L3MBTL3: variants seen among roughly 807,000 people sequenced by gnomAD.
L3MBTL3 encodes lethal(3)malignant brain tumor-like protein 3.
A neutral mutation model predicts 102.3 loss-of-function variants in L3MBTL3; 27 were observed. The ratio of observed to expected loss-of-function variants is 0.26; its 90% CI spans 0.19 to 0.36. The LOEUF (loss-of-function observed/expected upper bound fraction) is 0.36. L3MBTL3 is among the 10% of genes least tolerant of loss of function. The pLI, the probability that L3MBTL3 is intolerant of heterozygous loss-of-function variation, is 1.00. For missense variants in L3MBTL3, 798 were observed against 955.3 expected, an observed-to-expected ratio of 0.84 and a Z score of 2.17; for synonymous variants, 340 against 320.9, an observed-to-expected ratio of 1.06 and a Z score of -0.64.
At chr6:130,076,993 A>G (rs1562290719) in intron 13 of L3MBTL3, among the ~76,000 whole-genome samples, 2 of 152,180 alleles carry the variant, frequency 1.3e-5, no homozygotes, top group Non-Finnish European at 2.9e-5. Context: ...TGCAATTTGT[A>G]TATCCAGCAA....
At chr6:130,115,264 T>C (rs1785591595) in intron 19 of L3MBTL3, among the ~76,000 whole-genome samples, 3 of 152,128 alleles carry the variant, frequency 2.0e-5, no homozygotes, top group Non-Finnish European at 2.9e-5. Flanking sequence ...GAGTGAACTT[T>C]CACACTTGAG....
Position 130,071,129 on chromosome 6 carries a change from T to G in L3MBTL3, c.1244+2T>G. 1 of 1,607,684 alleles carries G rather than the reference T, an allele frequency of 6.2e-7. No homozygotes were observed. The highest frequency in any genetic ancestry group is 8.5e-7 in the Non-Finnish European group (1 of 1,176,782). ...CTGGGATGAGAGCTATGACTATTGGTGAGACATTTTCTGTTGTGTGCTTTT... is the reference window on the plus strand; with the variant it reads ...CTGGGATGAGAGCTATGACTATTGGGGAGACATTTTCTGTTGTGTGCTTTT... On this transcript the variant is annotated splice_donor_variant, in intron 13 of 22. Transcript: ENST00000361794. LOFTEE classifies it high-confidence loss of function.
intron 2 of L3MBTL3, among the ~76,000 whole-genome samples, chr6:130,025,965 C>T (rs1375626527): frequency 6.6e-6 from 1 of 151,994 alleles, no homozygotes; most frequent in East Asian, 1.9e-4. Context: ...CATACACATA[C>T]GATGGCAATT....
chr6:130,123,880 C>T (rs961377043), intron 20 of L3MBTL3, among the ~76,000 whole-genome samples: 1 of 152,102 alleles, frequency 6.6e-6, no homozygotes, highest in African/African-American at 2.4e-5. Flanking sequence ...GGAGCCTAGT[C>T]AGTGGGTTTC....
chr6:130,089,247 T>C (rs1023839120), intron 16 of L3MBTL3, among the ~76,000 whole-genome samples: 1 of 141,632 alleles, frequency 7.1e-6, no homozygotes. Context: ...CCCCAGTGTG[T>C]GATGTTCCCC....
intron 19 of L3MBTL3, 23 bp downstream of exon 19, chr6:130,104,598 C>G (rs370007138): frequency 2.0e-6 from 3 of 1,523,034 alleles, no homozygotes; most frequent in Non-Finnish European, 2.6e-6. Context: ...CTAATATTAG[C>G]ATTGTTTAGA....
chr6:130,057,482 G>A lies in L3MBTL3; in HGVS notation c.744G>A (p.Ala248=), dbSNP rs368885807. The change falls in exon 9 of 23, where the codon GCG becomes GCA. Residue 248 remains alanine, a synonymous_variant. Transcript: ENST00000361794. ...LEEEKAVAVP[A]KLFKEHQSFP... ...AGGAGAAAGCGGTGGCAGTGCCGGC[G>A]AAGCTGTTCAAGGAGGTACGGGCCC... 26 of 1,608,814 alleles carry A rather than the reference G, an allele frequency of 1.6e-5. No individual in the cohort carries two copies. The African/African-American group carries it at 2.5e-4, about 16-fold the overall frequency.
At chr6:130,098,631 G>C (rs113090722) in intron 18 of L3MBTL3, among the ~76,000 whole-genome samples, 1 of 152,132 alleles carries the variant, frequency 6.6e-6, no homozygotes, top group Non-Finnish European at 1.5e-5. Flanking sequence ...AGGACTTAAT[G>C]TGTGACCTCA....
chr6:130,114,883 A>T (rs1785564125), intron 19 of L3MBTL3, among the ~76,000 whole-genome samples: 1 of 152,142 alleles, frequency 6.6e-6, no homozygotes, highest in Non-Finnish European at 1.5e-5. Flanking sequence ...GAAGGTGGTG[A>T]TCTCCTTGAC....
intron 2 of L3MBTL3, among the ~76,000 whole-genome samples, chr6:130,026,442 A>G (rs1049394224): frequency 3.9e-5 from 6 of 152,202 alleles, no homozygotes; most frequent in Admixed American, 6.5e-5. Context: ...GATTTTCAAA[A>G]TAGTAACACA....
chr6:130,096,722 T>C (rs1355243933), intron 18 of L3MBTL3, among the ~76,000 whole-genome samples: 2 of 152,160 alleles, frequency 1.3e-5, no homozygotes, highest in Non-Finnish European at 2.9e-5. Context: ...TTCACCAAGT[T>C]TCAGTGGTTA....
intron 22 of L3MBTL3, among the ~76,000 whole-genome samples, chr6:130,138,768 C>CT (rs35404490): frequency 1.4e-4 from 21 of 148,802 alleles, no homozygotes; most frequent in Middle Eastern, 3.5e-3. Context: ...GAAAGGGAAA[C>CT]TTTTTTTTTT....
At chr6:130,038,620 G>T (rs1221500707) in intron 2 of L3MBTL3, among the ~76,000 whole-genome samples, 1 of 151,762 alleles carries the variant, frequency 6.6e-6, no homozygotes, top group African/African-American at 2.4e-5. Context: ...CAGATTATTT[G>T]CTTTTTTGCT....
At chr6:130,064,059 A>G (rs1782085704) in intron 10 of L3MBTL3, among the ~76,000 whole-genome samples, 1 of 152,232 alleles carries the variant, frequency 6.6e-6, no homozygotes, top group African/African-American at 2.4e-5. Flanking sequence ...CAGTATGTGA[A>G]TAATGAAGAC....
intron 16 of L3MBTL3, among the ~76,000 whole-genome samples, chr6:130,088,427 A>G (rs1472902763): frequency 2.6e-5 from 4 of 152,340 alleles, no homozygotes; most frequent in African/African-American, 7.2e-5. Context: ...AGAAGGAAGA[A>G]GAGGAGGAAA....
Position 130,133,632 on chromosome 6 carries a change from T to G in L3MBTL3, c.2136+11T>G. ...TGGAGCACAGACGAGGTATATTTTA[T>G]TTTCTTTGCTGCCCGACACCAGATA... is the stretch of plus-strand genomic sequence containing the variant. On this transcript the variant is annotated intron_variant, in intron 21 of 22. Coordinates refer to ENST00000361794, the MANE Select transcript of L3MBTL3 (RefSeq NM_032438.4). This position sits in a 1 kb window ranked among gnomAD's most constrained non-coding sequence, Gnocchi z 4.9. The G allele has an allele frequency of 6.2e-7, 1 of 1,612,130 alleles. No individual in the cohort carries two copies. Among genetic ancestry groups the G allele is most frequent in the East Asian group, 2.2e-5 (1 of 44,812 alleles).
At position 130,066,462 on chromosome 6, in the gene L3MBTL3, C is replaced by A. The variant is rs779154531; in HGVS notation, c.974C>A (p.Thr325Asn). ...DIHPVGWCEK[T>N]GHKLHPPKGY... The stretch of plus-strand genomic sequence containing the variant: ...CACCCAGTTGGGTGGTGTGAGAAAA[C>A]CGGCCACAAACTCCATCCTCCAAAA... The change falls in exon 11 of 23, where the codon ACC (threonine) becomes AAC (asparagine). Residue 325 changes from threonine (T) to asparagine (N), a missense_variant. Physicochemically the swap from Thr to Asn is moderately conservative, Grantham distance 65 (BLOSUM62 0). Transcript: ENST00000361794. 1 of 1,610,526 alleles carries A rather than the reference C, an allele frequency of 6.2e-7. No homozygotes were observed. The highest frequency in any genetic ancestry group is 8.5e-7 in the Non-Finnish European group (1 of 1,178,670).
At chr6:130,081,908 T>C (rs1419443150) in intron 14 of L3MBTL3, among the ~76,000 whole-genome samples, 1 of 152,148 alleles carries the variant, frequency 6.6e-6, no homozygotes, top group Non-Finnish European at 1.5e-5. Flanking sequence ...TTCTATTAAT[T>C]AGGCTTTCCT....
chr6:130,040,814 C>T (rs1024623113), intron 2 of L3MBTL3, among the ~76,000 whole-genome samples: 1 of 152,200 alleles, frequency 6.6e-6, no homozygotes, highest in African/African-American at 2.4e-5. Context: ...CTTCCCATTT[C>T]ATCACACAAT....
Sources: gnomAD v4.1 joint callset for allele counts (sites outside exome capture counted in the v4.1 genomes callset) on GRCh38, gnomAD v4.1.1 for gene constraint, Gnocchi (gnomAD v3.1) non-coding constraint, MANE v1.5 for transcripts, NCBI Gene and HGNC (gene_info 2026-07-23, HGNC 2026-07-21) for gene names.